Variants in KCNMA1 observed in about 807,000 individuals in gnomAD.
KCNMA1 encodes the protein potassium calcium-activated channel subfamily M alpha 1, also known as Calcium-activated potassium channel subunit alpha-1.
A neutral mutation model predicts 140.0 loss-of-function variants in KCNMA1; 29 were observed. That is an observed-to-expected ratio of 0.21 (90% CI 0.15 to 0.28). The LOEUF is 0.28. KCNMA1 is among the 10% of genes least tolerant of loss of function. KCNMA1 has a pLI of 1.00. For missense variants in KCNMA1, 880 were observed against 1,602.2 expected (o/e 0.55, Z 7.70); for synonymous variants, 612 against 611.9 (o/e 1.00, Z 0.00).
chr10:77,371,158 G>T (rs928978812), intron 2 of KCNMA1, among the ~76,000 whole-genome samples: 4 of 152,128 alleles, frequency 2.6e-5, no homozygotes, highest in African/African-American at 9.7e-5. Context: ...AACGAGACAC[G>T]CTGGCTCCCT....
At chr10:77,444,805 C>T (rs1253260922) in intron 1 of KCNMA1, among the ~76,000 whole-genome samples, 1 of 152,102 alleles carries the variant, frequency 6.6e-6, no homozygotes, top group East Asian at 1.9e-4. Context: ...ATTCCCCCAC[C>T]GAGCAAGAGG....
intron 15 of KCNMA1, among the ~76,000 whole-genome samples, chr10:77,032,344 A>G (rs1360031568): frequency 1.3e-5 from 2 of 152,196 alleles, no homozygotes; most frequent in Admixed American, 6.5e-5. Flanking sequence ...CCTTTACTCA[A>G]CTTACAGTGT....
At chr10:77,525,632 A>G (rs555124592) in intron 1 of KCNMA1, among the ~76,000 whole-genome samples, 5 of 152,270 alleles carry the variant, frequency 3.3e-5, no homozygotes, top group Admixed American at 1.3e-4. Flanking sequence ...TCATTCCTGG[A>G]GCTCAGTTTC....
intron 1 of KCNMA1, among the ~76,000 whole-genome samples, chr10:77,517,621 G>A (rs1242268983): frequency 6.6e-6 from 1 of 152,128 alleles, no homozygotes; most frequent in Non-Finnish European, 1.5e-5. Flanking sequence ...AGTGAGACAA[G>A]GACACAGACA....
intron 1 of KCNMA1, among the ~76,000 whole-genome samples, chr10:77,427,715 C>CCATT (rs1393147815): frequency 3.7e-3 from 227 of 62,094 alleles, no homozygotes; most frequent in African/African-American, 0.01. Flanking sequence ...GAGCATCCAT[C>CCATT]CATTCATTTA....
intron 23 of KCNMA1, among the ~76,000 whole-genome samples, chr10:76,941,732 T>C (rs1369550118): frequency 6.6e-6 from 1 of 152,094 alleles, no homozygotes; most frequent in African/African-American, 2.4e-5. Flanking sequence ...AACACATCCT[T>C]TGCCTTCTTC....
intron 23 of KCNMA1, among the ~76,000 whole-genome samples, chr10:76,925,362 C>G (rs1204969142): frequency 6.6e-6 from 1 of 152,158 alleles, no homozygotes; most frequent in Non-Finnish European, 1.5e-5. Flanking sequence ...TTGCCACTAA[C>G]ATGGGATCTC....
At chr10:77,349,963 G>C (rs576718011) in intron 2 of KCNMA1, among the ~76,000 whole-genome samples, 23 of 151,678 alleles carry the variant, frequency 1.5e-4, no homozygotes, top group African/African-American at 5.3e-4. Context: ...GTACGATCTC[G>C]GCTTGGCTCA....
At chr10:76,931,317 T>C (rs2059218984) in intron 23 of KCNMA1, among the ~76,000 whole-genome samples, 1 of 152,040 alleles carries the variant, frequency 6.6e-6, no homozygotes, top group Non-Finnish European at 1.5e-5. Context: ...TCAATAAACC[T>C]GGAGGGGAAG....
intron 1 of KCNMA1, among the ~76,000 whole-genome samples, chr10:77,606,703 G>C (rs2084667531): frequency 6.6e-6 from 1 of 152,164 alleles, no homozygotes; most frequent in Non-Finnish European, 1.5e-5. Flanking sequence ...AGGGTCCTGA[G>C]CTGAGGGGAG....
intron 9 of KCNMA1, chr10:77,091,700 G>A (rs12413744): frequency 1.3e-5 from 2 of 152,212 alleles, no homozygotes; most frequent in East Asian, 3.9e-4. Flanking sequence ...GTAAAATTTA[G>A]AATGGCCATG....
chr10:77,593,350 T>C (rs2079814941), intron 1 of KCNMA1, among the ~76,000 whole-genome samples: 1 of 152,234 alleles, frequency 6.6e-6, no homozygotes, highest in Non-Finnish European at 1.5e-5. Flanking sequence ...GCGATACATT[T>C]GGATTAGTTA....
intron 23 of KCNMA1, among the ~76,000 whole-genome samples, chr10:76,920,054 A>ATG (rs2055014247): frequency 1.8e-5 from 2 of 113,584 alleles, no homozygotes; most frequent in South Asian, 5.7e-4. Context: ...ATATATATAC[A>ATG]CACAATATTC....
chr10:77,568,518 T>C (rs1344137555), intron 1 of KCNMA1, among the ~76,000 whole-genome samples: 5 of 151,888 alleles, frequency 3.3e-5, no homozygotes, highest in African/African-American at 1.2e-4. Context: ...GAAAAGGCCT[T>C]TGACAAAATT....
intron 5 of KCNMA1, among the ~76,000 whole-genome samples, chr10:77,132,522 A>ATT (rs34605286): frequency 7.9e-5 from 11 of 138,414 alleles, no homozygotes; most frequent in Non-Finnish European, 7.8e-5. Context: ...AGCAGGTTAA[A>ATT]TTTTTTTTTT....
intron 9 of KCNMA1, among the ~76,000 whole-genome samples, chr10:77,099,506 G>C (rs1339201543): frequency 6.6e-6 from 1 of 152,150 alleles, no homozygotes; most frequent in Non-Finnish European, 1.5e-5. Flanking sequence ...CCTGCGGTCA[G>C]GAGTTCGAGA....
At chr10:77,372,683 A>G (rs2094822909) in intron 2 of KCNMA1, among the ~76,000 whole-genome samples, 1 of 152,204 alleles carries the variant, frequency 6.6e-6, no homozygotes, top group South Asian at 2.1e-4. Context: ...TGGTTCCCCA[A>G]GTCATAACTG....
intron 1 of KCNMA1, among the ~76,000 whole-genome samples, chr10:77,555,405 C>T (rs1311659246): frequency 1.3e-5 from 2 of 152,130 alleles, no homozygotes; most frequent in Non-Finnish European, 2.9e-5. Flanking sequence ...AGAAAGGTAG[C>T]TCTTGGAGAA....
At chr10:77,481,284 C>T (rs2098392142) in intron 1 of KCNMA1, among the ~76,000 whole-genome samples, 1 of 152,144 alleles carries the variant, frequency 6.6e-6, no homozygotes, top group African/African-American at 2.4e-5. Flanking sequence ...ACCCAACATC[C>T]TTGAATTAAT....
Sources: allele counts gnomAD v4.1 joint callset (sites outside exome capture counted in the v4.1 genomes callset), GRCh38; gene constraint gnomAD v4.1.1; transcripts MANE v1.5; gene names NCBI Gene and HGNC (gene_info 2026-07-23, HGNC 2026-07-21).